TMEM38B: variants seen among roughly 807,000 people sequenced by gnomAD.
TMEM38B encodes the protein transmembrane protein 38B.
TMEM38B carries 24 observed loss-of-function variants against 28.7 expected under a neutral mutation model. The observed-to-expected ratio is 0.84, with a 90% confidence interval of 0.61 to 1.18. The LOEUF is 1.18. TMEM38B is among the 50% of genes most tolerant of loss of function. The probability of loss-of-function intolerance (pLI) is 0.00; values close to 1 mark genes in which losing one functional copy is unlikely to be tolerated. For missense variants in TMEM38B, 380 were observed against 350.9 expected (o/e 1.08, Z -0.66); for synonymous variants, 131 against 127.7 (o/e 1.03, Z -0.17).
At chr9:105,736,216 T>C (rs1178372166) in intron 4 of TMEM38B, among the ~76,000 whole-genome samples, 2 of 152,140 alleles carry the variant, frequency 1.3e-5, no homozygotes, top group Non-Finnish European at 2.9e-5. Flanking sequence ...CTGTCCCTTC[T>C]CCTTCTGTAG....
At chr9:105,722,216 A>G (rs921370117) in intron 3 of TMEM38B, among the ~76,000 whole-genome samples, 1 of 152,168 alleles carries the variant, frequency 6.6e-6, no homozygotes, top group Non-Finnish European at 1.5e-5. Context: ...TTTTTACAGT[A>G]TACTGCACCT....
At chr9:105,770,371 A>G (rs1424143705) in intron 5 of TMEM38B, among the ~76,000 whole-genome samples, 1 of 152,094 alleles carries the variant, frequency 6.6e-6, no homozygotes, top group Non-Finnish European at 1.5e-5. Context: ...ATATTTGTTG[A>G]CTGACTAATA....
chr9:105,728,353 T>C (rs991659927), intron 4 of TMEM38B, among the ~76,000 whole-genome samples: 2 of 152,080 alleles, frequency 1.3e-5, no homozygotes, highest in African/African-American at 2.4e-5. Flanking sequence ...TTTGGTTTTC[T>C]GTTGTTGTGA....
rs767642935 is a variant in TMEM38B, at chr9:105,694,559, G to C, written c.-102G>C. The C allele has an allele frequency of 1.0e-5, 8 of 799,122 alleles. No homozygotes were observed. The highest frequency in any genetic ancestry group is 1.5e-5 in the Non-Finnish European group (8 of 522,456). 49.5% of individuals were successfully genotyped at this position (799,122 alleles called of 1,614,324 possible). The stretch of plus-strand genomic sequence containing the variant: ...CACGCGCGGAGCTGGAGCCGGCGCG[G>C]AGGAGCGGGCGGCCGCGGCTGTGCC... On this transcript the variant is annotated 5_prime_UTR_variant, in exon 1 of 6. Transcript: ENST00000374692.
At chr9:105,736,544 G>A (rs1419665233) in intron 4 of TMEM38B, among the ~76,000 whole-genome samples, 1 of 152,088 alleles carries the variant, frequency 6.6e-6, no homozygotes, top group East Asian at 1.9e-4. Context: ...ATTCTCTTGT[G>A]TCTCACTGAG....
rs1826653552 is a variant in TMEM38B, at chr9:105,774,145, A to T, written c.*65A>T. Reference sequence around the variant, plus strand: ...CTTATCTACCTGTTATATTGTGCTAATTTTTCTATGTATGTGATGTGAAAT... The same window carrying T: ...CTTATCTACCTGTTATATTGTGCTATTTTTTCTATGTATGTGATGTGAAAT... On this transcript the variant is annotated 3_prime_UTR_variant, in exon 6 of 6. Transcript: ENST00000374692. The T allele has an allele frequency of 1.5e-6, 2 of 1,328,296 alleles. No homozygotes were observed. Among genetic ancestry groups the T allele is most frequent in the Non-Finnish European group, 1.1e-6 (1 of 950,590 alleles). 82.3% of individuals were successfully genotyped at this position (1,328,296 alleles called of 1,614,324 possible).
At chr9:105,717,741 C>G (rs948000061) in intron 2 of TMEM38B, among the ~76,000 whole-genome samples, 4 of 152,128 alleles carry the variant, frequency 2.6e-5, no homozygotes, top group Non-Finnish European at 5.9e-5. Flanking sequence ...AACATAACTT[C>G]CCCCTGCTGT....
intron 5 of TMEM38B, chr9:105,760,473 T>C: frequency 1.3e-6 from 1 of 741,944 alleles, no homozygotes; most frequent in Non-Finnish European, 2.5e-6. Context: ...TGCCAACTTA[T>C]TCATACTGTA....
chr9:105,707,819 A>G (rs986353287), intron 2 of TMEM38B, among the ~76,000 whole-genome samples: 2 of 152,198 alleles, frequency 1.3e-5, no homozygotes, highest in Admixed American at 6.5e-5. Context: ...TGTAGCCACT[A>G]TCTCTCACAG....
intron 5 of TMEM38B, chr9:105,760,619 A>G: frequency 2.6e-6 from 2 of 780,694 alleles, no homozygotes; most frequent in Non-Finnish European, 4.6e-6. Flanking sequence ...AAACAGTTTC[A>G]GAAGGAATAC....
intron 3 of TMEM38B, among the ~76,000 whole-genome samples, chr9:105,722,301 C>T (rs919812811): frequency 6.6e-6 from 1 of 152,112 alleles, no homozygotes; most frequent in Non-Finnish European, 1.5e-5. Flanking sequence ...AACTTCTAAC[C>T]ATATCTTTGT....
At chr9:105,762,014 C>T (rs978610219) in intron 5 of TMEM38B, among the ~76,000 whole-genome samples, 13 of 152,000 alleles carry the variant, frequency 8.6e-5, no homozygotes, top group African/African-American at 3.1e-4. Context: ...TGAAGCAAGT[C>T]GCCTTCTATT....
intron 2 of TMEM38B, among the ~76,000 whole-genome samples, chr9:105,719,073 G>A (rs1272279240): frequency 6.6e-6 from 1 of 152,288 alleles, no homozygotes; most frequent in African/African-American, 2.4e-5. Flanking sequence ...TGATAGTAGA[G>A]TGAAAACAGA....
At chr9:105,712,316 A>T (rs1835935934) in intron 2 of TMEM38B, among the ~76,000 whole-genome samples, 1 of 152,188 alleles carries the variant, frequency 6.6e-6, no homozygotes, top group East Asian at 1.9e-4. Flanking sequence ...CTCAGTGCTT[A>T]TCCTTAGATA....
At chr9:105,701,421 C>T (rs116622366) in intron 1 of TMEM38B, 1 of 152,284 alleles carries the variant, frequency 6.6e-6, no homozygotes, top group African/African-American at 2.4e-5. Context: ...AGACCTGAAG[C>T]AAGACTGTAA....
intron 2 of TMEM38B, among the ~76,000 whole-genome samples, chr9:105,715,351 T>C (rs1014860469): frequency 6.6e-6 from 1 of 152,160 alleles, no homozygotes; most frequent in Non-Finnish European, 1.5e-5. Flanking sequence ...TAAAGATTTA[T>C]TTTTTCATTA....
chr9:105,730,097 A>T (rs1434576971), intron 4 of TMEM38B, among the ~76,000 whole-genome samples: 1 of 152,152 alleles, frequency 6.6e-6, no homozygotes, highest in African/African-American at 2.4e-5. Flanking sequence ...TGCCCTGGCC[A>T]GACCTTCCAA....
chr9:105,732,788 G>T (rs948768537), intron 4 of TMEM38B, among the ~76,000 whole-genome samples: 1 of 152,114 alleles, frequency 6.6e-6, no homozygotes, highest in East Asian at 1.9e-4. Flanking sequence ...TCTTGGCAGC[G>T]TGGGCTCTTT....
rs1826525320 is a variant in TMEM38B at position 105,770,960 on chromosome 9, T to C, written c.661-2905T>C. ...CTAGGCACTATAGAGAATATCAAAG[T>C]AGGTATAAGTGCCATATTGTGTGTC... On this transcript the variant is annotated intron_variant, in intron 5 of 5. Coordinates refer to ENST00000374692, the MANE Select transcript of TMEM38B (RefSeq NM_018112.3). Among the ~76,000 whole-genome samples the C allele has an allele frequency of 2.0e-5, 3 of 152,200 alleles. No individual in the cohort carries two copies. In the South Asian group the frequency reaches 6.2e-4, roughly 31 times the overall value.
Sources: allele counts gnomAD v4.1 joint callset (sites outside exome capture counted in the v4.1 genomes callset), GRCh38; gene constraint gnomAD v4.1.1; transcripts MANE v1.5; gene names NCBI Gene and HGNC (gene_info 2026-07-23, HGNC 2026-07-21).